TSLP: variants seen among roughly 807,000 people sequenced by gnomAD.
TSLP encodes the protein thymic stromal lymphopoietin, also known as thymic stroma-derived lymphopoietin.
A neutral mutation model predicts 12.4 loss-of-function variants in TSLP; 12 were observed. The observed-to-expected ratio is 0.97, with a 90% CI of 0.62 to 1.57. The LOEUF (loss-of-function observed/expected upper bound fraction) is 1.57. TSLP is among the 40% of genes most tolerant of loss of function. TSLP has a pLI of 0.00. For missense variants in TSLP, 222 were observed against 189.6 expected (o/e 1.17, Z -1.00); for synonymous variants, 97 against 69.5 (o/e 1.40, Z -1.97).
Position 111,071,853 on chromosome 5 carries a change from G to T in TSLP, c.-38G>T, listed in dbSNP as rs371512032. 5 of 1,604,056 alleles carry T rather than the reference G, an allele frequency of 3.1e-6. No homozygotes were observed. In the African/African-American group the frequency reaches 5.3e-5, roughly 17 times the overall value. ...ATCTCTTACACTCGTGGTGGGAAGA[G>T]TTTAGTGTGAAACTGGGGTGGAATT... On this transcript the variant is annotated 5_prime_UTR_variant, in exon 1 of 4. Coordinates refer to ENST00000344895, the MANE Select transcript of TSLP (RefSeq NM_033035.5).
At chr5:111,074,182 A>G (rs1752427150) in intron 3 of TSLP, among the ~76,000 whole-genome samples, 1 of 152,192 alleles carries the variant, frequency 6.6e-6, no homozygotes, top group South Asian at 2.1e-4. Flanking sequence ...CTGTCTCTTT[A>G]CACATTTTTG....
chr5:111,071,961 G>A lies in TSLP; in HGVS notation c.71G>A (p.Gly24Glu). Residue 24 changes from glycine (G) to glutamate (E), a missense_variant, in exon 1 of 4, where the codon GGG becomes GAG. Transcript: ENST00000344895. The stretch of plus-strand genomic sequence containing the variant: ...AAAATCTTCATCTTACAACTTGTAG[G>A]GCTGGTGTTAACTTACGACTTCACT... Reference protein sequence around the residue: ...FRKIFILQLVGLVLTYDFTNC... With the variant: ...FRKIFILQLVELVLTYDFTNC... 2 of 1,614,150 alleles carry A rather than the reference G, an allele frequency of 1.2e-6. No homozygotes were observed. Among genetic ancestry groups the A allele is most frequent in the Non-Finnish European group, 1.7e-6 (2 of 1,180,014 alleles).
chr5:111,071,466 T>C, upstream of TSLP: 4 of 1,538,234 alleles, frequency 2.6e-6, no homozygotes, highest in South Asian at 1.2e-5. Context: ...ATCCGTTTCT[T>C]AAAGGACATT....
Position 111,076,158 on chromosome 5 carries a change from A to C in TSLP, c.*84A>C. 4 of 1,439,464 alleles carry C rather than the reference A, an allele frequency of 2.8e-6. No individual in the cohort carries two copies. In the East Asian group the frequency reaches 6.8e-5, roughly 25 times the overall value. The allele number at this position is 1,439,464 out of a possible 1,614,324, so 89.2% of individuals were successfully genotyped here. On this transcript the variant is annotated 3_prime_UTR_variant, in exon 4 of 4. Transcript: ENST00000344895. ...ATGAAACATTAACTCTAACTGTGACAAAGAAGACCACAAATAGTTATCTTT... is the reference window on the plus strand; with the variant it reads ...ATGAAACATTAACTCTAACTGTGACCAAGAAGACCACAAATAGTTATCTTT...
At chr5:111,073,049 G>A in intron 2 of TSLP, 117 bp downstream of exon 2, 5 of 1,270,438 alleles carry the variant, frequency 3.9e-6, no homozygotes, top group Non-Finnish European at 5.6e-6. Flanking sequence ...GGACGCCGCC[G>A]CCGGGGGAAA....
chr5:111,071,954 C>A lies in TSLP; in HGVS notation c.64C>A (p.Leu22Ile). The change falls in exon 1 of 4, where the codon CTT becomes ATT. Residue 22 changes from leucine (L) to isoleucine (I), a missense_variant. Leu to Ile is a conservative substitution (Grantham distance 5, BLOSUM62 2). Transcript: ENST00000344895. ...TTTCAGGAAAATCTTCATCTTACAA[C>A]TTGTAGGGCTGGTGTTAACTTACGA... ...VSFRKIFILQ[L>I]VGLVLTYDFT... The A allele has an allele frequency of 3.7e-6, 6 of 1,614,220 alleles. No homozygotes were observed. The highest frequency in any genetic ancestry group is 1.7e-5 in the Admixed American group (1 of 60,026).
Position 111,076,393 on chromosome 5 carries a change from G to A in TSLP, c.*319G>A. Reference sequence around the variant, plus strand: ...CAGGAGAACTCTTTTCCCTGAAAAAGGAAAAATATTGAACTCAATGATAGC... The same window carrying A: ...CAGGAGAACTCTTTTCCCTGAAAAAAGAAAAATATTGAACTCAATGATAGC... On this transcript the variant is annotated 3_prime_UTR_variant, in exon 4 of 4. Coordinates refer to ENST00000344895, the MANE Select transcript of TSLP (RefSeq NM_033035.5). 1 of 252,508 alleles carries A rather than the reference G, an allele frequency of 4.0e-6. No homozygotes were observed. Among genetic ancestry groups the A allele is most frequent in the Non-Finnish European group, 7.5e-6 (1 of 132,482 alleles). The allele number at this position is 252,508 out of a possible 1,614,324, so 15.6% of individuals were successfully genotyped here.
intron 1 of TSLP, among the ~76,000 whole-genome samples, chr5:111,072,340 C>G (rs1752363593): frequency 6.6e-6 from 1 of 152,114 alleles, no homozygotes; most frequent in Non-Finnish European, 1.5e-5. Context: ...AAGTGTTACT[C>G]TGACTATGCT....
At position 111,073,535 on chromosome 5, in the gene TSLP, A is replaced by G; in HGVS notation, c.241A>G (p.Ser81Gly). The G allele has an allele frequency of 6.2e-7, 1 of 1,614,098 alleles. No homozygotes were observed. Among genetic ancestry groups the G allele is most frequent in the Non-Finnish European group, 8.5e-7 (1 of 1,180,030 alleles). The change falls in exon 3 of 4, where the codon AGC (serine) becomes GGC (glycine). Residue 81 changes from serine to glycine, a missense_variant. Transcript: ENST00000344895. The stretch of plus-strand genomic sequence containing the variant: ...GCCACATTGCCTTACTGAAATCCAG[A>G]GCCTAACCTTCAATCCCACCGCCGG... ...NRPHCLTEIQ[S>G]LTFNPTAGCA...
rs1221209109 is a variant in TSLP at position 111,071,965 on chromosome 5, G to T, written c.75G>T (p.Leu25=). The T allele has an allele frequency of 6.2e-7, 1 of 1,614,056 alleles. No homozygotes were observed. Among genetic ancestry groups the T allele is most frequent in the East Asian group, 2.2e-5 (1 of 44,900 alleles). ...TCTTCATCTTACAACTTGTAGGGCT[G>T]GTGTTAACTTACGACTTCACTAACT... The part of the protein sequence containing the change: ...RKIFILQLVG[L]VLTYDFTNCD... Residue 25 remains leucine (L), a synonymous_variant, in exon 1 of 4, where the codon CTG becomes CTT. Transcript: ENST00000344895.
Position 111,076,279 on chromosome 5 carries a change from C to A in TSLP, c.*205C>A. 1 of 569,136 alleles carries A rather than the reference C, an allele frequency of 1.8e-6. No individual in the cohort carries two copies. The highest frequency in any genetic ancestry group is 3.0e-6 in the Non-Finnish European group (1 of 332,090). The allele number at this position is 569,136 out of a possible 1,614,324, so 35.3% of individuals were successfully genotyped here. ...ACTACTCCTCAAATGTTGAGGGAAGCTTCCATAACATTGATGACTGGCTTC... is the reference window on the plus strand; with the variant it reads ...ACTACTCCTCAAATGTTGAGGGAAGATTCCATAACATTGATGACTGGCTTC... On this transcript the variant is annotated 3_prime_UTR_variant, in exon 4 of 4. Coordinates refer to ENST00000344895, the MANE Select transcript of TSLP (RefSeq NM_033035.5).
rs1428981085 is a variant in TSLP at position 111,077,919 on chromosome 5, C to T, written c.*1845C>T. Reference sequence around the variant, plus strand: ...AAATGTTGTAACAATGTGGATCATACATCTCTGGTTTTTTAAATGTATTGA... The same window carrying T: ...AAATGTTGTAACAATGTGGATCATATATCTCTGGTTTTTTAAATGTATTGA... On this transcript the variant is annotated 3_prime_UTR_variant, in exon 4 of 4. Coordinates refer to ENST00000344895, the MANE Select transcript of TSLP (RefSeq NM_033035.5). 2.6e-5 allele frequency: 4 copies of T among 152,308 alleles called. No individual in the cohort carries two copies. The highest frequency in any genetic ancestry group is 5.9e-5 in the Non-Finnish European group (4 of 68,018). 9.4% of individuals were successfully genotyped at this position (152,308 alleles called of 1,614,324 possible). A position where few individuals can be genotyped will look rare whatever the true frequency, so the allele number is the denominator to read the frequency against.
Position 111,072,361 on chromosome 5 carries a change from G to A in TSLP, c.171+300G>A, listed in dbSNP as rs1394194481. On this transcript the variant is annotated intron_variant, in intron 1 of 3. Coordinates refer to ENST00000344895, the MANE Select transcript of TSLP (RefSeq NM_033035.5). ...TACTCTGACTATGCTGTAAAAAGCA[G>A]GAGGTAAGAGCTTAAGAAAGAGGAG... is the stretch of plus-strand genomic sequence containing the variant. Among the ~76,000 whole-genome samples the A allele has an allele frequency of 2.0e-5, 3 of 152,164 alleles. 1 individual carries two copies. Among genetic ancestry groups the A allele is most frequent in the South Asian group, 4.2e-4 (2 of 4,818 alleles).
rs1561690285 is a variant in TSLP at position 111,071,867 on chromosome 5, T to C, written c.-24T>C. On this transcript the variant is annotated 5_prime_UTR_variant, in exon 1 of 4. Coordinates refer to ENST00000344895, the MANE Select transcript of TSLP (RefSeq NM_033035.5). ...TGGTGGGAAGAGTTTAGTGTGAAACTGGGGTGGAATTGGGTGTCCACGTAT... is the reference window on the plus strand; with the variant it reads ...TGGTGGGAAGAGTTTAGTGTGAAACCGGGGTGGAATTGGGTGTCCACGTAT... 9.9e-6 allele frequency: 16 copies of C among 1,608,860 alleles called. No individual in the cohort carries two copies. The highest frequency in any genetic ancestry group is 1.4e-5 in the Non-Finnish European group (16 of 1,176,004).
rs1752497316 is a variant in TSLP, at chr5:111,076,048, A to G, written c.454A>G (p.Asn152Asp). ...SQLQGLWRRF[N>D]RPLLKQQ ...ATTACAAGGATTGTGGCGTCGCTTCAATCGACCTTTACTGAAACAACAGTA... is the reference window on the plus strand; with the variant it reads ...ATTACAAGGATTGTGGCGTCGCTTCGATCGACCTTTACTGAAACAACAGTA... Residue 152 changes from asparagine to aspartate, a missense_variant, in exon 4 of 4, where the codon AAT (asparagine) becomes GAT (aspartate). Physicochemically the swap from Asn to Asp is conservative, Grantham distance 23 (BLOSUM62 1). Transcript: ENST00000344895. 1 of 1,614,006 alleles carries G rather than the reference A, an allele frequency of 6.2e-7. No homozygotes were observed. The highest frequency in any genetic ancestry group is 1.3e-5 in the African/African-American group (1 of 74,936).
At position 111,071,884 on chromosome 5, in the gene TSLP, T is replaced by C. The variant is rs1186820686; in HGVS notation, c.-7T>C. The C allele has an allele frequency of 3.7e-6, 6 of 1,612,836 alleles. No homozygotes were observed. The highest frequency in any genetic ancestry group is 1.7e-6 in the Non-Finnish European group (2 of 1,179,048). On this transcript the variant is annotated 5_prime_UTR_variant, in exon 1 of 4. Transcript: ENST00000344895. Reference sequence around the variant, plus strand: ...TGTGAAACTGGGGTGGAATTGGGTGTCCACGTATGTTCCCTTTTGCCTTAC... The same window carrying C: ...TGTGAAACTGGGGTGGAATTGGGTGCCCACGTATGTTCCCTTTTGCCTTAC...
upstream of TSLP, chr5:111,070,703 G>A (rs769466431): frequency 2.6e-5 from 4 of 152,332 alleles, no homozygotes; most frequent in African/African-American, 4.8e-5. Context: ...GTAAAAATCT[G>A]AGCCCGCCAT....
In TSLP at chr5:111,071,981, T is replaced by C. The variant is rs753025356; in HGVS notation, c.91T>C (p.Phe31Leu). 3 of 1,614,242 alleles carry C rather than the reference T, an allele frequency of 1.9e-6. No homozygotes were observed. In the East Asian group the frequency reaches 6.7e-5, roughly 36 times the overall value. ...TGTAGGGCTGGTGTTAACTTACGAC[T>C]TCACTAACTGTGACTTTGAGAAGAT... ...QLVGLVLTYD[F>L]TNCDFEKIKA... The change falls in exon 1 of 4, where the codon TTC (phenylalanine) becomes CTC (leucine). Residue 31 changes from phenylalanine (F) to leucine (L), a missense_variant. Transcript: ENST00000344895.
rs570708928 is a variant in TSLP at position 111,076,247 on chromosome 5, G to C, written c.*173G>C. 5.0e-4 allele frequency: 355 copies of C among 709,898 alleles called. No homozygotes were observed. Among genetic ancestry groups the C allele is most frequent in the Non-Finnish European group, 7.8e-4 (339 of 435,490 alleles). The allele number at this position is 709,898 out of a possible 1,614,324, so 44.0% of individuals were successfully genotyped here. A position where few individuals can be genotyped will look rare whatever the true frequency, so the allele number is the denominator to read the frequency against. ...TTTATTGTGTAAGTTTATAATGCAG[G>C]GGAAGTACTACTCCTCAAATGTTGA... On this transcript the variant is annotated 3_prime_UTR_variant, in exon 4 of 4. Transcript: ENST00000344895.
Sources: allele counts gnomAD v4.1 joint callset (sites outside exome capture counted in the v4.1 genomes callset), GRCh38; gene constraint gnomAD v4.1.1; transcripts MANE v1.5; gene names NCBI Gene and HGNC (gene_info 2026-07-23, HGNC 2026-07-21).